The following TRIM9 variants were observed in gnomAD, a reference collection of about 807,000 sequenced individuals.
TRIM9 encodes E3 ubiquitin-protein ligase TRIM9.
A neutral mutation model predicts 78.3 loss-of-function variants in TRIM9; 26 were observed. That is an observed-to-expected ratio of 0.33 (90% CI 0.24 to 0.46). The LOEUF is 0.46. TRIM9 is among the 20% of genes least tolerant of loss of function. The pLI is 1.00. For missense variants in TRIM9, 787 were observed against 1,036.4 expected (o/e 0.76, Z 3.30); for synonymous variants, 398 against 416.5 (o/e 0.96, Z 0.54).
chr14:50,983,300 A>C, intron 9 of TRIM9, 80 bp downstream of exon 9: 6 of 1,179,086 alleles, frequency 5.1e-6, no homozygotes, highest in Non-Finnish European at 7.2e-6. Flanking sequence ...ACATAAGACA[A>C]GTTGCCGCCA....
rs566778325 is a variant in TRIM9, at chr14:51,033,442, C to T, written c.823-8082G>A. On this transcript the variant is annotated intron_variant, in intron 1 of 12. Coordinates refer to ENST00000684578, the MANE Select transcript of TRIM9 (RefSeq NM_001387360.1). ...AGTTAAAATATACATACATAAATCA[C>T]GAAAACACTTTTGTCATACCATGTC... is the stretch of plus-strand genomic sequence containing the variant. Among the ~76,000 whole-genome samples, 19 of 152,292 alleles carry T rather than the reference C, an allele frequency of 1.2e-4. No homozygotes were observed. In the South Asian group the frequency reaches 3.3e-3, roughly 27 times the overall value.
chr14:51,053,574 A>ATT (rs2060620899), intron 1 of TRIM9, among the ~76,000 whole-genome samples: 2 of 80,120 alleles, frequency 2.5e-5, no homozygotes, highest in Admixed American at 2.6e-4. Context: ...TTTACTTTTT[A>ATT]ATTTTCTTTT....
chr14:51,095,071 A>T lies in TRIM9; in HGVS notation c.-132T>A. The T allele has an allele frequency of 1.8e-6, 1 of 570,380 alleles. No individual in the cohort carries two copies. The highest frequency in any genetic ancestry group is 2.7e-6 in the Non-Finnish European group (1 of 370,128). The allele number at this position is 570,380 out of a possible 1,614,324, so 35.3% of individuals were successfully genotyped here. On this transcript the variant is annotated 5_prime_UTR_variant, in exon 1 of 13. Coordinates refer to ENST00000684578, the MANE Select transcript of TRIM9 (RefSeq NM_001387360.1). ...TGGTGGTGGTGCCTTCCCGCGCAGC[A>T]CTGGCACGGACACCCAGAGAGGCGC... is the stretch of plus-strand genomic sequence containing the variant.
chr14:51,036,189 G>A (rs1166000666), intron 1 of TRIM9, among the ~76,000 whole-genome samples: 4 of 152,078 alleles, frequency 2.6e-5, no homozygotes, highest in Non-Finnish European at 4.4e-5. Context: ...GCCAGCCCAC[G>A]GCACAAAAAA....
intron 10 of TRIM9, chr14:50,982,665 C>A: frequency 2.2e-6 from 1 of 450,284 alleles, no homozygotes; most frequent in Non-Finnish European, 4.0e-6. Flanking sequence ...TTGTGACTTG[C>A]ATGTAGGACA....
In TRIM9 at chr14:50,982,068, A is replaced by T. The variant is rs1488504843; in HGVS notation, c.1894T>A (p.Ser632Thr). 1.2e-6 allele frequency: 2 copies of T among 1,614,114 alleles called. No homozygotes were observed. Among genetic ancestry groups the T allele is most frequent in the Non-Finnish European group, 1.7e-6 (2 of 1,179,986 alleles). Residue 632 changes from serine (S) to threonine (T), a missense_variant, in exon 11 of 13, where the codon TCG becomes ACG. Around this residue, in one of 3 missense-constraint regions of TRIM9, gnomAD observed 421 missense variants for 514.3 expected, o/e 0.82. Coordinates refer to ENST00000684578, the MANE Select transcript of TRIM9 (RefSeq NM_001387360.1). ...TTGTCATTGGAGAGGATGATGTCCG[A>T]GTGCGCCGAGCCAGGGTCGAAAGCA... ...WFAFDPGSAH[S>T]DIILSNDNLT...
intron 3 of TRIM9, among the ~76,000 whole-genome samples, chr14:51,014,768 T>C (rs2056971068): frequency 6.6e-6 from 1 of 152,256 alleles, no homozygotes; most frequent in South Asian, 2.1e-4. Context: ...AAATGATTCC[T>C]GGAAGCCAGG....
intron 5 of TRIM9, among the ~76,000 whole-genome samples, chr14:51,007,935 C>T (rs1039347320): frequency 2.0e-5 from 3 of 152,086 alleles, no homozygotes; most frequent in Non-Finnish European, 2.9e-5. Flanking sequence ...TAAGACTTAC[C>T]GCCTTATATA....
chr14:51,024,058 G>A (rs1022812386), intron 2 of TRIM9, among the ~76,000 whole-genome samples: 18 of 152,164 alleles, frequency 1.2e-4, no homozygotes, highest in African/African-American at 3.9e-4. Context: ...TGGCTTTCAC[G>A]GCAATTGCTT....
intron 6 of TRIM9, among the ~76,000 whole-genome samples, chr14:50,998,843 C>T (rs941348967): frequency 1.3e-5 from 2 of 152,216 alleles, no homozygotes. Context: ...ATTTGCCTCC[C>T]TCTTCAGCTG....
chr14:51,071,923 G>A (rs1393244398), intron 1 of TRIM9, among the ~76,000 whole-genome samples: 1 of 152,254 alleles, frequency 6.6e-6, no homozygotes, highest in East Asian at 1.9e-4. Flanking sequence ...GCCCAGAAGA[G>A]AGGGGTGGTG....
chr14:51,074,931 C>T (rs2062624828), intron 1 of TRIM9, among the ~76,000 whole-genome samples: 1 of 152,128 alleles, frequency 6.6e-6, no homozygotes, highest in African/African-American at 2.4e-5. Context: ...ATGTTGAAGC[C>T]CCAATTGAGA....
At position 51,084,976 on chromosome 14, in the gene TRIM9, C is replaced by T. The variant is rs148590109; in HGVS notation, c.822+9142G>A. 3.2e-3 allele frequency among the ~76,000 whole-genome samples: 485 copies of T among 152,330 alleles called. 2 individuals are homozygous for T. The highest frequency in any genetic ancestry group is 0.011 in the African/African-American group (463 of 41,568). ...GCCTGTTATAAAGACCTGCTCTAGA[C>T]AGAAAGTGTTTAATTCCCTATATTG... On this transcript the variant is annotated intron_variant, in intron 1 of 12. Transcript: ENST00000684578.
chr14:51,087,016 G>T (rs1264211126), intron 1 of TRIM9, among the ~76,000 whole-genome samples: 1 of 152,134 alleles, frequency 6.6e-6, no homozygotes, highest in Admixed American at 6.5e-5. Flanking sequence ...ACACAGCTGG[G>T]GTGGGGGGAG....
At chr14:51,050,474 G>A (rs1389081990) in intron 1 of TRIM9, among the ~76,000 whole-genome samples, 1 of 152,118 alleles carries the variant, frequency 6.6e-6, no homozygotes, top group Non-Finnish European at 1.5e-5. Flanking sequence ...GGAACTGTGA[G>A]TCCATTAAAC....
In TRIM9 at chr14:50,979,477, A is replaced by C; in HGVS notation, c.2235T>G (p.Phe745Leu). Residue 745 changes from phenylalanine (F) to leucine (L), a missense_variant, in exon 12 of 13, where the codon TTT (phenylalanine) becomes TTG (leucine). Physicochemically the swap from Phe to Leu is conservative, Grantham distance 22. Coordinates refer to ENST00000684578, the MANE Select transcript of TRIM9 (RefSeq NM_001387360.1). ...LLDLNRKNLT[F>L]FINDEQQGPI... The stretch of plus-strand genomic sequence containing the variant: ...GACCTTGTTGTTCATCGTTGATAAA[A>C]AATGTCAAGTTTTTTCTATTTAAGT... 1.9e-6 allele frequency: 3 copies of C among 1,614,206 alleles called. No individual in the cohort carries two copies. The highest frequency in any genetic ancestry group is 1.7e-5 in the Admixed American group (1 of 60,028).
intron 1 of TRIM9, among the ~76,000 whole-genome samples, chr14:51,082,669 G>A (rs2063407705): frequency 6.6e-6 from 1 of 152,058 alleles, no homozygotes; most frequent in Non-Finnish European, 1.5e-5. Flanking sequence ...AAATATTCTG[G>A]AATTAGATTC....
chr14:50,990,981 G>A (rs1382000332), intron 7 of TRIM9, among the ~76,000 whole-genome samples: 1 of 152,170 alleles, frequency 6.6e-6, no homozygotes, highest in Non-Finnish European at 1.5e-5. Flanking sequence ...ATAAAAGGTG[G>A]TATTTTAAGC....
intron 7 of TRIM9, chr14:50,997,599 A>G (rs2054390035): frequency 9.9e-7 from 1 of 1,009,342 alleles, no homozygotes; most frequent in African/African-American, 1.7e-5. Flanking sequence ...AGTCATACAA[A>G]TCCACGACTG....
Sources: gnomAD v4.1 joint callset for allele counts (sites outside exome capture counted in the v4.1 genomes callset) on GRCh38, gnomAD v4.1.1 for gene constraint, gnomAD v4.1.1 regional missense constraint, MANE v1.5 for transcripts, NCBI Gene and HGNC (gene_info 2026-07-23, HGNC 2026-07-21) for gene names.